TM9SF3: variants seen among roughly 807,000 people sequenced by gnomAD.
TM9SF3 encodes the protein SM-11044-binding protein.
Under a neutral mutation model 78.6 loss-of-function variants are expected in TM9SF3, and 14 were observed. The observed-to-expected ratio is 0.18, with a 90% CI of 0.12 to 0.28. The LOEUF is 0.28. Among genes scored for constraint, TM9SF3 ranks in the 10% least tolerant of loss-of-function variants. The pLI is 1.00. For missense variants in TM9SF3, 496 were observed against 721.9 expected (o/e 0.69, Z 3.59); for synonymous variants, 231 against 241.7 (o/e 0.96, Z 0.41).
At chr10:96,555,105 C>T (rs2134146159) in intron 5 of TM9SF3, among the ~76,000 whole-genome samples, 1 of 151,536 alleles carries the variant, frequency 6.6e-6, no homozygotes, top group Middle Eastern at 3.4e-3. Flanking sequence ...AAAGCAGGTT[C>T]ATATATCACT....
rs1847916662 is a variant in TM9SF3, at chr10:96,533,116, C to T, written c.1260G>A (p.Leu420=). 2.5e-6 allele frequency: 4 copies of T among 1,613,914 alleles called. No homozygotes were observed. Among genetic ancestry groups the T allele is most frequent in the Non-Finnish European group, 3.4e-6 (4 of 1,180,004 alleles). Residue 420 remains leucine, a synonymous_variant, in exon 10 of 15, where the codon CTG becomes CTA. Transcript: ENST00000371142. ...GACAAGGAAAGTTGGGCTGACCTGA[C>T]AGATTTCGGCCAAGTATTGTACCAA... is the stretch of plus-strand genomic sequence containing the variant. ...NLVGTILGRN[L]SGQPNFPCRV... is the part of the protein sequence containing the mutation.
rs1847866553 is a variant in TM9SF3 at position 96,528,885 on chromosome 10, A to C, written c.1395-708T>G. On this transcript the variant is annotated intron_variant, in intron 11 of 14. Transcript: ENST00000371142. ...GGCCATGTTATGGTGTTGGGACCTC[A>C]CCTCAATTAAAATAAGAAGTGTTAA... Among the ~76,000 whole-genome samples the C allele has an allele frequency of 1.3e-5, 2 of 152,136 alleles. 1 individual carries two copies. The highest frequency in any genetic ancestry group is 4.1e-4 in the South Asian group (2 of 4,836).
chr10:96,563,236 TGG>T (rs979605148), intron 3 of TM9SF3, among the ~76,000 whole-genome samples: 8 of 152,266 alleles, frequency 5.3e-5, no homozygotes, highest in Admixed American at 3.9e-4. Context: ...CCACCACGCC[TGG>T]GTAAATGTTT....
At chr10:96,541,591 C>T (rs1035457192) in intron 9 of TM9SF3, among the ~76,000 whole-genome samples, 2 of 152,010 alleles carry the variant, frequency 1.3e-5, no homozygotes, top group Non-Finnish European at 2.9e-5. Flanking sequence ...ACCATGTTGG[C>T]CATGCTGATC....
chr10:96,585,237 A>G (rs1589467849), intron 1 of TM9SF3, among the ~76,000 whole-genome samples: 1 of 152,264 alleles, frequency 6.6e-6, no homozygotes, highest in Non-Finnish European at 1.5e-5. Context: ...ACTTTTCCTA[A>G]GTGTTTTTTT....
At chr10:96,530,184 C>T (rs1847880379) in intron 11 of TM9SF3, among the ~76,000 whole-genome samples, 1 of 152,088 alleles carries the variant, frequency 6.6e-6, no homozygotes, top group South Asian at 2.1e-4. Context: ...TATTGGTTTA[C>T]CTAGTTCCCT....
intron 9 of TM9SF3, among the ~76,000 whole-genome samples, chr10:96,539,821 A>G (rs1050822911): frequency 6.6e-6 from 1 of 151,952 alleles, no homozygotes; most frequent in African/African-American, 2.4e-5. Flanking sequence ...AAAATGTCCA[A>G]AAAAAAAGAA....
intron 10 of TM9SF3, among the ~76,000 whole-genome samples, chr10:96,532,271 C>T (rs1847906951): frequency 6.6e-6 from 1 of 151,600 alleles, no homozygotes; most frequent in African/African-American, 2.4e-5. Context: ...AAAGTTCTAA[C>T]TAAAGTCTCT....
chr10:96,565,053 T>A (rs999828086), intron 3 of TM9SF3, among the ~76,000 whole-genome samples: 7 of 152,170 alleles, frequency 4.6e-5, no homozygotes, highest in African/African-American at 1.4e-4. Context: ...CTAAGCACCT[T>A]CTCATTCTTG....
chr10:96,586,534 C>T (rs1848632587), intron 1 of TM9SF3, among the ~76,000 whole-genome samples, 200 bp downstream of exon 1: 1 of 152,094 alleles, frequency 6.6e-6, no homozygotes, highest in Non-Finnish European at 1.5e-5. Flanking sequence ...CACTCGGGAG[C>T]GGAGCCCTGT....
intron 5 of TM9SF3, among the ~76,000 whole-genome samples, chr10:96,559,246 CTGAG>C (rs1004144353): frequency 4.6e-5 from 7 of 152,190 alleles, no homozygotes; most frequent in African/African-American, 1.7e-4. Flanking sequence ...AATATACTCT[CTGAG>C]TGTGTTAAGT....
intron 2 of TM9SF3, among the ~76,000 whole-genome samples, chr10:96,571,850 G>A (rs1398461771): frequency 6.6e-6 from 1 of 152,166 alleles, no homozygotes; most frequent in Non-Finnish European, 1.5e-5. Context: ...TCATTATACT[G>A]CAAGAATTCT....
At chr10:96,567,909 T>C (rs537167150) in intron 2 of TM9SF3, among the ~76,000 whole-genome samples, 4 of 152,370 alleles carry the variant, frequency 2.6e-5, no homozygotes, top group South Asian at 2.1e-4. Flanking sequence ...TGTGTATGAA[T>C]AGTGTGTATG....
intron 14 of TM9SF3, among the ~76,000 whole-genome samples, chr10:96,526,669 T>C (rs149773650): frequency 2.6e-5 from 4 of 152,238 alleles, no homozygotes; most frequent in Admixed American, 1.3e-4. Context: ...AGCATACATA[T>C]GGTACAGCTA....
intron 5 of TM9SF3, among the ~76,000 whole-genome samples, chr10:96,559,242 C>G (rs1391043596): frequency 6.6e-6 from 1 of 152,030 alleles, no homozygotes; most frequent in Non-Finnish European, 1.5e-5. Context: ...CTATAATATA[C>G]TCTCTGAGTG....
Position 96,541,463 on chromosome 10 carries a change from C to T in TM9SF3, c.1185+2613G>A, listed in dbSNP as rs181004280. On this transcript the variant is annotated intron_variant, in intron 9 of 14. Coordinates refer to ENST00000371142, the MANE Select transcript of TM9SF3 (RefSeq NM_020123.4). The stretch of plus-strand genomic sequence containing the variant: ...TGATCTCAGCTCACTGCAACCTCCG[C>T]CTCCTGGGTTCAAGTGATCAAGCGA... Among the ~76,000 whole-genome samples, 989 of 152,098 alleles carry T rather than the reference C, an allele frequency of 6.5e-3. 10 individuals are homozygous for T. Among genetic ancestry groups the T allele is most frequent in the Non-Finnish European group, 0.011 (749 of 67,976 alleles).
intron 1 of TM9SF3, among the ~76,000 whole-genome samples, chr10:96,581,283 T>TATGCTG (rs58168993): frequency 0.18 from 26,804 of 151,948 alleles, 2,592 homozygotes; most frequent in Admixed American, 0.3. Flanking sequence ...TAGAAGATAA[T>TATGCTG]ATGCTGACGT....
intron 2 of TM9SF3, among the ~76,000 whole-genome samples, chr10:96,569,081 A>G (rs1302379823): frequency 3.3e-5 from 5 of 152,142 alleles, no homozygotes; most frequent in Admixed American, 3.3e-4. Context: ...CCAGCTACTC[A>G]GAAGGCTGAG....
At chr10:96,569,847 C>A (rs1319433297) in intron 2 of TM9SF3, among the ~76,000 whole-genome samples, 8 of 152,114 alleles carry the variant, frequency 5.3e-5, no homozygotes, top group Admixed American at 1.3e-4. Flanking sequence ...TCCTGGCCAA[C>A]ATGGTGAAAC....
Sources: allele counts gnomAD v4.1 joint callset (sites outside exome capture counted in the v4.1 genomes callset), GRCh38; gene constraint gnomAD v4.1.1; transcripts MANE v1.5; gene names NCBI Gene and HGNC (gene_info 2026-07-23, HGNC 2026-07-21).